Variants in UVRAG observed in about 807,000 individuals in gnomAD.
The protein encoded by UVRAG is UV radiation resistance-associated gene protein.
UVRAG carries 19 observed loss-of-function variants against 78.0 expected under a neutral mutation model. The observed-to-expected ratio is 0.24, with a 90% CI of 0.17 to 0.36. The LOEUF (loss-of-function observed/expected upper bound fraction) is 0.36, where lower values mean the gene tolerates loss of function less well. Among genes scored for constraint, UVRAG ranks in the 10% least tolerant of loss-of-function variants. UVRAG has a pLI of 1.00. For missense variants in UVRAG, 740 were observed against 853.8 expected (o/e 0.87, Z 1.66); for synonymous variants, 323 against 324.6 (o/e 1.00, Z 0.05).
At chr11:75,874,165 T>TC (rs953203235) in intron 3 of UVRAG, among the ~76,000 whole-genome samples, 3 of 152,176 alleles carry the variant, frequency 2.0e-5, no homozygotes, top group Non-Finnish European at 4.4e-5. Flanking sequence ...AGTTCTTTCT[T>TC]CCTTTTCTGC....
intron 7 of UVRAG, among the ~76,000 whole-genome samples, chr11:75,971,019 A>C (rs1438652614): frequency 6.6e-6 from 1 of 152,192 alleles, no homozygotes; most frequent in Non-Finnish European, 1.5e-5. Flanking sequence ...CCACGTGTTC[A>C]TCCTTTTCTC....
chr11:75,858,095 A>G (rs1373831067), intron 2 of UVRAG, among the ~76,000 whole-genome samples: 1 of 151,966 alleles, frequency 6.6e-6, no homozygotes, highest in Admixed American at 6.5e-5. Flanking sequence ...TGCTTGACAC[A>G]TACTAGGCCT....
At chr11:75,855,560 G>A (rs754146225) in intron 2 of UVRAG, among the ~76,000 whole-genome samples, 51 of 152,306 alleles carry the variant, frequency 3.3e-4, no homozygotes, top group South Asian at 4.2e-4. Flanking sequence ...TAGTGCTGTC[G>A]TATCTTGTTG....
At chr11:75,932,329 G>A (rs942302217) in intron 6 of UVRAG, among the ~76,000 whole-genome samples, 14 of 151,806 alleles carry the variant, frequency 9.2e-5, no homozygotes, top group African/African-American at 3.4e-4. Flanking sequence ...TCTGTCATCA[G>A]GCTGGAGTGC....
At chr11:76,137,303 C>G in intron 14 of UVRAG, 1 of 455,288 alleles carries the variant, frequency 2.2e-6, no homozygotes, top group Non-Finnish European at 4.4e-6. Context: ...GAAGAACCCA[C>G]GCCAGGCTTA....
At chr11:75,903,426 C>G (rs1234930139) in intron 5 of UVRAG, among the ~76,000 whole-genome samples, 3 of 152,168 alleles carry the variant, frequency 2.0e-5, no homozygotes, top group African/African-American at 7.2e-5. Flanking sequence ...CACTACTTCC[C>G]TCTCCAGGGA....
At chr11:75,929,185 G>T (rs1405337814) in intron 6 of UVRAG, among the ~76,000 whole-genome samples, 1 of 152,168 alleles carries the variant, frequency 6.6e-6, no homozygotes, top group Non-Finnish European at 1.5e-5. Flanking sequence ...ATTGCTGTGT[G>T]ATAAACTTTG....
intron 6 of UVRAG, among the ~76,000 whole-genome samples, chr11:75,945,085 G>A (rs1029576823): frequency 3.3e-5 from 5 of 152,054 alleles, no homozygotes; most frequent in Non-Finnish European, 7.4e-5. Context: ...GTTTTTCTAC[G>A]CTTGATATAC....
At chr11:75,819,258 C>G (rs1315943745) in intron 1 of UVRAG, among the ~76,000 whole-genome samples, 1 of 152,202 alleles carries the variant, frequency 6.6e-6, no homozygotes, top group Non-Finnish European at 1.5e-5. Flanking sequence ...GGGACTACTA[C>G]TTAATTTTGT....
At chr11:75,991,936 G>A (rs1391579737) in intron 8 of UVRAG, among the ~76,000 whole-genome samples, 1 of 152,076 alleles carries the variant, frequency 6.6e-6, no homozygotes, top group Non-Finnish European at 1.5e-5. Context: ...ACACAAGCCG[G>A]TATTAATTGC....
At chr11:76,126,339 A>G (rs987212675) in intron 14 of UVRAG, among the ~76,000 whole-genome samples, 11 of 152,206 alleles carry the variant, frequency 7.2e-5, no homozygotes, top group African/African-American at 2.4e-4. Flanking sequence ...TATATCCAAA[A>G]TATCTTGTAG....
intron 8 of UVRAG, among the ~76,000 whole-genome samples, chr11:75,990,810 A>G (rs769380487): frequency 2.0e-5 from 3 of 152,162 alleles, no homozygotes; most frequent in Non-Finnish European, 4.4e-5. Flanking sequence ...TTCTCTAGAC[A>G]GATTCTGAGG....
At chr11:75,887,741 C>G (rs1336237178) in intron 4 of UVRAG, among the ~76,000 whole-genome samples, 1 of 152,032 alleles carries the variant, frequency 6.6e-6, no homozygotes. Flanking sequence ...GCCACTGCGC[C>G]GGGCCCCAAG....
At chr11:76,091,710 C>A (rs993608671) in intron 13 of UVRAG, among the ~76,000 whole-genome samples, 1 of 151,784 alleles carries the variant, frequency 6.6e-6, no homozygotes, top group Non-Finnish European at 1.5e-5. Context: ...TGTGTAATAT[C>A]TTCTCTTTTC....
intron 5 of UVRAG, among the ~76,000 whole-genome samples, chr11:75,910,076 T>C (rs1328801020): frequency 1.3e-5 from 2 of 152,252 alleles, no homozygotes. Context: ...AAAGTAGATA[T>C]GGGACTATTT....
intron 1 of UVRAG, among the ~76,000 whole-genome samples, chr11:75,851,204 T>G (rs1296597757): frequency 4.6e-5 from 7 of 152,242 alleles, no homozygotes; most frequent in African/African-American, 1.7e-4. Context: ...TTTTGTTGAT[T>G]TCTACTATTG....
At chr11:75,891,569 A>AT (rs770980869) in intron 5 of UVRAG, among the ~76,000 whole-genome samples, 6 of 152,184 alleles carry the variant, frequency 3.9e-5, no homozygotes, top group Non-Finnish European at 7.3e-5. Flanking sequence ...AGCTGTTGAG[A>AT]TTTTGAGTAA....
chr11:76,094,646 T>C (rs946228157), intron 13 of UVRAG, among the ~76,000 whole-genome samples: 2 of 152,248 alleles, frequency 1.3e-5, no homozygotes, highest in African/African-American at 4.8e-5. Context: ...TTTATTTGCA[T>C]AGAGGTGTTT....
Position 76,035,164 on chromosome 11 carries a change from A to G in UVRAG, c.1226+18184A>G, listed in dbSNP as rs577645203. Among the ~76,000 whole-genome samples, 72 of 152,330 alleles carry G rather than the reference A, an allele frequency of 4.7e-4. 1 individual carries two copies. The South Asian group carries it at 0.015, about 31-fold the overall frequency. On this transcript the variant is annotated intron_variant, in intron 12 of 14. Coordinates refer to ENST00000356136, the MANE Select transcript of UVRAG (RefSeq NM_003369.4). ...ACACAATTTTGTCATTTCCAGCTTT[A>G]AAAACTTAGTTACTAGGAGAAAAAC...
Sources: allele counts gnomAD v4.1 joint callset (sites outside exome capture counted in the v4.1 genomes callset), GRCh38; gene constraint gnomAD v4.1.1; transcripts MANE v1.5; gene names NCBI Gene and HGNC (gene_info 2026-07-23, HGNC 2026-07-21).